Variants in CACNA2D3 observed in about 807,000 individuals in gnomAD.
The protein encoded by CACNA2D3 is voltage-dependent calcium channel subunit alpha-2/delta-3.
CACNA2D3 carries 60 observed loss-of-function variants against 160.6 expected under a neutral mutation model. That is an observed-to-expected ratio of 0.37 (90% CI 0.30 to 0.46). CACNA2D3 has a LOEUF of 0.46. CACNA2D3 is among the 20% of genes least tolerant of loss of function. The probability of loss-of-function intolerance (pLI) is 1.00; values close to 1 mark genes in which losing one functional copy is unlikely to be tolerated. For missense variants in CACNA2D3, 1,205 were observed against 1,365.0 expected (o/e 0.88, Z 1.85); for synonymous variants, 558 against 492.9 (o/e 1.13, Z -1.75).
intron 3 of CACNA2D3, among the ~76,000 whole-genome samples, chr3:54,379,669 T>G (rs903454199): frequency 6.6e-6 from 1 of 152,224 alleles, no homozygotes; most frequent in African/African-American, 2.4e-5. Flanking sequence ...TAATTGCTGT[T>G]TCCAGAACAT....
At chr3:54,658,759 CTGG>C (rs1699917422) in intron 11 of CACNA2D3, among the ~76,000 whole-genome samples, 1 of 151,976 alleles carries the variant, frequency 6.6e-6, no homozygotes, top group Non-Finnish European at 1.5e-5. Flanking sequence ...CTGGAGGCTT[CTGG>C]TACCAAAGAT....
chr3:54,184,437 G>T (rs905797335), intron 2 of CACNA2D3, among the ~76,000 whole-genome samples: 1 of 152,200 alleles, frequency 6.6e-6, no homozygotes, highest in Non-Finnish European at 1.5e-5. Flanking sequence ...GAGAGTCTGG[G>T]TCATTTGCCC....
intron 35 of CACNA2D3, among the ~76,000 whole-genome samples, chr3:55,067,083 G>C (rs567084622): frequency 1.3e-5 from 2 of 148,696 alleles, no homozygotes; most frequent in East Asian, 4.2e-4. Context: ...TAATCTTTCC[G>C]CTGGCAATCT....
chr3:54,358,717 C>T (rs1698692109), intron 3 of CACNA2D3, among the ~76,000 whole-genome samples: 1 of 152,174 alleles, frequency 6.6e-6, no homozygotes, highest in South Asian at 2.1e-4. Flanking sequence ...TATTATGGTA[C>T]TTAGCTTGGG....
At chr3:54,442,998 G>A (rs1700168025) in intron 4 of CACNA2D3, among the ~76,000 whole-genome samples, 1 of 152,142 alleles carries the variant, frequency 6.6e-6, no homozygotes, top group Non-Finnish European at 1.5e-5. Context: ...GGTCTGCCTT[G>A]TCTGTAGAAA....
chr3:54,946,294 C>T (rs1231372850), intron 27 of CACNA2D3, among the ~76,000 whole-genome samples: 2 of 152,168 alleles, frequency 1.3e-5, no homozygotes, highest in African/African-American at 4.8e-5. Context: ...CCCTCTTATA[C>T]TCCTGTACCC....
chr3:54,243,480 C>T (rs538085580), intron 2 of CACNA2D3, among the ~76,000 whole-genome samples: 1 of 152,276 alleles, frequency 6.6e-6, no homozygotes, highest in African/African-American at 2.4e-5. Context: ...GCTTGGAAAC[C>T]ATGTGGGGTT....
intron 11 of CACNA2D3, among the ~76,000 whole-genome samples, chr3:54,728,309 A>G (rs1400863684): frequency 1.3e-5 from 2 of 152,084 alleles, no homozygotes; most frequent in African/African-American, 2.4e-5. Flanking sequence ...GGATATTTCT[A>G]CTGACTTCTC....
At chr3:54,509,371 G>C (rs1191840068) in intron 5 of CACNA2D3, among the ~76,000 whole-genome samples, 1 of 152,022 alleles carries the variant, frequency 6.6e-6, no homozygotes, top group Non-Finnish European at 1.5e-5. Context: ...CTGACCCCAG[G>C]ATGTCAGAAA....
intron 4 of CACNA2D3, among the ~76,000 whole-genome samples, chr3:54,471,112 T>C (rs1369101849): frequency 6.6e-6 from 1 of 152,200 alleles, no homozygotes; most frequent in East Asian, 1.9e-4. Flanking sequence ...TGTACATCCT[T>C]CTCAGCACCA....
intron 18 of CACNA2D3, chr3:54,878,562 A>G (rs1575526385): frequency 6.7e-6 from 1 of 149,954 alleles, no homozygotes; most frequent in African/African-American, 2.5e-5. Flanking sequence ...TGTCTTCCAA[A>G]TGCTTGGCCT....
chr3:54,463,606 T>G (rs1014711888), intron 4 of CACNA2D3, among the ~76,000 whole-genome samples: 7 of 152,210 alleles, frequency 4.6e-5, no homozygotes, highest in Non-Finnish European at 8.8e-5. Context: ...TTCTCGAGCC[T>G]TGGCTTTCAG....
intron 2 of CACNA2D3, among the ~76,000 whole-genome samples, chr3:54,154,630 T>C (rs1004875247): frequency 6.6e-6 from 1 of 152,152 alleles, no homozygotes; most frequent in African/African-American, 2.4e-5. Flanking sequence ...CATCAGTGTC[T>C]CAGCACCTCT....
intron 11 of CACNA2D3, among the ~76,000 whole-genome samples, chr3:54,685,457 A>G (rs1262611686): frequency 1.3e-5 from 2 of 152,212 alleles, no homozygotes; most frequent in African/African-American, 4.8e-5. Flanking sequence ...CTTGTGGGCT[A>G]TAGTTTGCCA....
chr3:54,174,643 G>C (rs979141990), intron 2 of CACNA2D3, among the ~76,000 whole-genome samples: 2 of 152,092 alleles, frequency 1.3e-5, no homozygotes, highest in African/African-American at 4.8e-5. Flanking sequence ...TCCTGCCTCC[G>C]TCTCCTGAGT....
At chr3:54,366,295 A>G (rs562332870) in intron 3 of CACNA2D3, among the ~76,000 whole-genome samples, 4 of 152,346 alleles carry the variant, frequency 2.6e-5, no homozygotes, top group East Asian at 3.9e-4. Context: ...AAAGACCTGC[A>G]TGCTTATTGT....
At chr3:54,577,499 CCT>C (rs1266750273) in intron 8 of CACNA2D3, among the ~76,000 whole-genome samples, 1 of 152,190 alleles carries the variant, frequency 6.6e-6, no homozygotes, top group Non-Finnish European at 1.5e-5. Context: ...GACACATGCC[CCT>C]GTTCCAAAGA....
chr3:54,131,851 A>G (rs1699715409), intron 2 of CACNA2D3, among the ~76,000 whole-genome samples: 1 of 152,236 alleles, frequency 6.6e-6, no homozygotes, highest in Non-Finnish European at 1.5e-5. Context: ...TGTTGCTGTA[A>G]CATTGTGCTA....
intron 13 of CACNA2D3, among the ~76,000 whole-genome samples, chr3:54,800,279 T>C (rs7609715): frequency 7.9e-5 from 12 of 152,356 alleles, no homozygotes; most frequent in African/African-American, 2.4e-4. Context: ...GGGACCAATA[T>C]AATTTTCAAG....
Sources: gnomAD v4.1 joint callset for allele counts (sites outside exome capture counted in the v4.1 genomes callset) on GRCh38, gnomAD v4.1.1 for gene constraint, MANE v1.5 for transcripts, NCBI Gene and HGNC (gene_info 2026-07-23, HGNC 2026-07-21) for gene names.